The following KIAA1217 variants were observed in gnomAD, a reference collection of about 807,000 sequenced individuals.
The protein encoded by KIAA1217 is sickle tail protein homolog.
Under a neutral mutation model 163.9 loss-of-function variants are expected in KIAA1217, and 88 were observed. The ratio of observed to expected loss-of-function variants is 0.54; its 90% CI spans 0.45 to 0.64. KIAA1217 has a LOEUF of 0.64. Among genes scored for constraint, KIAA1217 ranks in the 30% least tolerant of loss-of-function variants. KIAA1217 has a pLI of 0.00. For synonymous variants in KIAA1217, 903 were observed against 923.1 expected (o/e 0.98, Z 0.39); for missense variants, 2,372 against 2,475.0 (o/e 0.96, Z 0.88).
intron 1 of KIAA1217, among the ~76,000 whole-genome samples, chr10:23,892,983 T>C (rs1215366430): frequency 6.6e-6 from 1 of 152,008 alleles, no homozygotes; most frequent in African/African-American, 2.4e-5. Flanking sequence ...CCGGCTTTGG[T>C]ATCAGGATGA....
intron 2 of KIAA1217, among the ~76,000 whole-genome samples, chr10:24,051,543 A>G (rs556556314): frequency 2.0e-5 from 3 of 152,234 alleles, no homozygotes; most frequent in African/African-American, 7.2e-5. Context: ...TATGTTTTCC[A>G]TAGTGGTTGT....
intron 2 of KIAA1217, among the ~76,000 whole-genome samples, chr10:24,335,851 G>C (rs952068631): frequency 1.3e-5 from 2 of 152,162 alleles, no homozygotes; most frequent in Non-Finnish European, 2.9e-5. Flanking sequence ...GGCTCAAGCA[G>C]TCCTCCCACC....
Position 23,796,418 on chromosome 10 carries a change from C to T in KIAA1217, c.-321+101184C>T, listed in dbSNP as rs183685224. On this transcript the variant is annotated intron_variant, in intron 1 of 18. Transcript: ENST00000376462. ...TCACTCTGTCACCCAGACTGGAGTG[C>T]AATGGCATGACCTCGGCTCACTGCA... is the stretch of plus-strand genomic sequence containing the variant. Among the ~76,000 whole-genome samples the T allele has an allele frequency of 2.9e-4, 44 of 152,172 alleles. No individual in the cohort carries two copies. The East Asian group carries it at 5.6e-3, about 19-fold the overall frequency.
intron 1 of KIAA1217, among the ~76,000 whole-genome samples, chr10:23,901,287 G>A (rs899789611): frequency 3.3e-5 from 5 of 152,100 alleles, no homozygotes; most frequent in African/African-American, 1.2e-4. Flanking sequence ...GAAGTTCAAT[G>A]TCAGCATCTA....
chr10:24,187,214 G>A (rs574494233), intron 2 of KIAA1217, among the ~76,000 whole-genome samples: 80 of 152,160 alleles, frequency 5.3e-4, no homozygotes, highest in African/African-American at 1.7e-3. Context: ...CTGTCTTGTC[G>A]CTTGTCACAG....
chr10:23,810,201 T>G (rs951009220), intron 1 of KIAA1217, among the ~76,000 whole-genome samples: 2 of 151,432 alleles, frequency 1.3e-5, no homozygotes, highest in Admixed American at 6.6e-5. Flanking sequence ...CGAGCATTTA[T>G]CCATCCATTC....
intron 2 of KIAA1217, among the ~76,000 whole-genome samples, chr10:24,293,352 T>C (rs879863961): frequency 2.0e-5 from 3 of 152,238 alleles, no homozygotes; most frequent in Non-Finnish European, 4.4e-5. Flanking sequence ...ATTACAGGCG[T>C]GAGCCACCGC....
At chr10:23,829,492 G>A (rs1253212284) in intron 1 of KIAA1217, among the ~76,000 whole-genome samples, 5 of 152,158 alleles carry the variant, frequency 3.3e-5, no homozygotes, top group African/African-American at 9.7e-5. Context: ...CAGTGATCTG[G>A]AATTTCAGTA....
At chr10:24,212,349 T>C (rs1431845111) in intron 1 of KIAA1217, among the ~76,000 whole-genome samples, 1 of 152,100 alleles carries the variant, frequency 6.6e-6, no homozygotes, top group Non-Finnish European at 1.5e-5. Context: ...TTTGATAGAT[T>C]AGGATTGAGA....
At chr10:23,874,038 T>A (rs1840576616) in intron 1 of KIAA1217, among the ~76,000 whole-genome samples, 1 of 152,066 alleles carries the variant, frequency 6.6e-6, no homozygotes, top group Non-Finnish European at 1.5e-5. Context: ...TTCCTTTGCT[T>A]ACATAGAAAG....
rs75451736 is a variant in KIAA1217, at chr10:23,787,055, A to G, written c.-321+91821A>G. On this transcript the variant is annotated intron_variant, in intron 1 of 18. Coordinates refer to the KIAA1217 transcript ENST00000376462. ...AGCAACATTTTAAAATTTAAAATCTATCTTTGAGTCTTTTTTGCATTATAA... is the reference window on the plus strand; with the variant it reads ...AGCAACATTTTAAAATTTAAAATCTGTCTTTGAGTCTTTTTTGCATTATAA... Among the ~76,000 whole-genome samples, 256 of 152,030 alleles carry G rather than the reference A, an allele frequency of 1.7e-3. 14 individuals are homozygous for G. The East Asian group carries it at 0.028, about 17-fold the overall frequency.
intron 9 of KIAA1217, among the ~76,000 whole-genome samples, chr10:24,502,240 CTTTT>C (rs772404852): frequency 1.2e-4 from 10 of 80,634 alleles, no homozygotes; most frequent in East Asian, 4.1e-4. Flanking sequence ...GTCAGCCAAG[CTTTT>C]TTTTTTTTTT....
At chr10:23,936,945 C>A (rs1263553879) in intron 1 of KIAA1217, among the ~76,000 whole-genome samples, 1 of 152,106 alleles carries the variant, frequency 6.6e-6, no homozygotes, top group Non-Finnish European at 1.5e-5. Context: ...GTGGTGTCAT[C>A]TCAGCTTACT....
chr10:24,123,956 G>C (rs969159225), intron 2 of KIAA1217, among the ~76,000 whole-genome samples: 3 of 152,006 alleles, frequency 2.0e-5, no homozygotes, highest in Non-Finnish European at 2.9e-5. Flanking sequence ...ATTTTGAAGG[G>C]GGTAATATAT....
chr10:24,000,574 C>T (rs1177254224), intron 1 of KIAA1217, among the ~76,000 whole-genome samples: 1 of 152,220 alleles, frequency 6.6e-6, no homozygotes, highest in Non-Finnish European at 1.5e-5. Flanking sequence ...ATGCAATTAA[C>T]ATCGGGCATT....
chr10:23,725,340 C>T (rs1838077171), intron 1 of KIAA1217, among the ~76,000 whole-genome samples: 1 of 152,142 alleles, frequency 6.6e-6, no homozygotes, highest in Non-Finnish European at 1.5e-5. Context: ...GACAAGGCCA[C>T]CAGTTAGAAT....
chr10:23,835,448 C>G (rs970049128), intron 1 of KIAA1217, among the ~76,000 whole-genome samples: 3 of 152,142 alleles, frequency 2.0e-5, no homozygotes, highest in African/African-American at 7.2e-5. Context: ...CCCTCCACCC[C>G]CTGCTAGCAT....
chr10:24,495,085 T>TTA (rs796258482), intron 7 of KIAA1217, 62 bp from the exon 8 acceptor site: 19 of 1,234,438 alleles, frequency 1.5e-5, no homozygotes, highest in East Asian at 1.5e-4. Flanking sequence ...GAATGGGCTT[T>TTA]AAAAAAAAAA....
chr10:24,130,227 G>A (rs571339034), intron 2 of KIAA1217, among the ~76,000 whole-genome samples: 4 of 152,118 alleles, frequency 2.6e-5, no homozygotes, highest in South Asian at 4.1e-4. Flanking sequence ...GAGCGCAATG[G>A]CGCAATCATA....
Sources: allele counts gnomAD v4.1 joint callset (sites outside exome capture counted in the v4.1 genomes callset), GRCh38; gene constraint gnomAD v4.1.1; transcripts MANE v1.5; gene names NCBI Gene and HGNC (gene_info 2026-07-23, HGNC 2026-07-21).